ELMO2: variants seen among roughly 807,000 people sequenced by gnomAD.
The protein encoded by ELMO2 is engulfment and cell motility protein 2.
ELMO2 carries 37 observed loss-of-function variants against 96.2 expected under a neutral mutation model. The observed-to-expected ratio is 0.38, with a 90% confidence interval of 0.30 to 0.51. The LOEUF (loss-of-function observed/expected upper bound fraction) is 0.51, where lower values mean the gene tolerates loss of function less well. Ranked by LOEUF, ELMO2 falls within the 20% of genes least tolerant of loss-of-function variation. The pLI, the probability that ELMO2 is intolerant of heterozygous loss-of-function variation, is 0.88. For missense variants in ELMO2, 561 were observed against 912.6 expected (o/e 0.61, Z 4.96); for synonymous variants, 315 against 329.4 (o/e 0.96, Z 0.47).
At position 46,394,100 on chromosome 20, in the gene ELMO2, G is replaced by A. The variant is rs779463199; in HGVS notation, c.79-11C>T. Reference sequence around the variant, plus strand: ...TGCCAGGGGCCGTTTCTGAAAGAGAGAGAGAGAAAGCCTTCAACAGCAGCA... The same window carrying A: ...TGCCAGGGGCCGTTTCTGAAAGAGAAAGAGAGAAAGCCTTCAACAGCAGCA... On this transcript the variant is annotated splice_polypyrimidine_tract_variant and intron_variant, in intron 3 of 21. Transcript: ENST00000290246. 4 of 1,610,632 alleles carry A rather than the reference G, an allele frequency of 2.5e-6. No individual in the cohort carries two copies. In the East Asian group the frequency reaches 8.9e-5, roughly 36 times the overall value.
intron 7 of ELMO2, among the ~76,000 whole-genome samples, chr20:46,388,561 G>C (rs6094297): frequency 6.6e-6 from 1 of 151,956 alleles, no homozygotes; most frequent in Non-Finnish European, 1.5e-5. Context: ...TGAATGGGTA[G>C]GTTGACACCT....
chr20:46,393,428 G>A, intron 5 of ELMO2, 101 bp downstream of exon 5: 1 of 1,301,062 alleles, frequency 7.7e-7, no homozygotes, highest in Admixed American at 1.8e-5. Flanking sequence ...CCCAACACAT[G>A]GAAGCTACCT....
Position 46,367,570 on chromosome 20 carries a change from G to A in ELMO2, c.1963-10C>T, listed in dbSNP as rs368445280. Reference sequence around the variant, plus strand: ...CAATCCAGATGCAGTACTGTGGGGAGCAAGTTGCAAAATGTCACATCGTGA... The same window carrying A: ...CAATCCAGATGCAGTACTGTGGGGAACAAGTTGCAAAATGTCACATCGTGA... On this transcript the variant is annotated splice_polypyrimidine_tract_variant and intron_variant, in intron 21 of 21. Transcript: ENST00000290246. The A allele has an allele frequency of 1.1e-5, 17 of 1,589,062 alleles. No homozygotes were observed. The highest frequency in any genetic ancestry group is 1.5e-5 in the Non-Finnish European group (17 of 1,169,636).
rs764520008 is a variant in ELMO2, at chr20:46,371,396, T to G, written c.1757A>C (p.Asp586Ala). Residue 586 changes from aspartate (D) to alanine (A), a missense_variant, in exon 19 of 22, where the codon GAC becomes GCC. Coordinates refer to ENST00000290246, the MANE Select transcript of ELMO2 (RefSeq NM_133171.5). This position sits in a 1 kb window ranked among gnomAD's most constrained non-coding sequence, Gnocchi z 5.9. ...AAATGTCACCTCCCCTTGTGGGTTG[T>G]CATCCAAGTCACCATAGTGAAGGAC... ...HKVLHYGDLD[D>A]NPQGEVTFES... 4.4e-5 allele frequency: 71 copies of G among 1,614,140 alleles called. No individual in the cohort carries two copies.
chr20:46,367,863 T>A (rs1322699326), intron 21 of ELMO2, among the ~76,000 whole-genome samples: 4 of 152,036 alleles, frequency 2.6e-5, no homozygotes, highest in Non-Finnish European at 2.9e-5. Context: ...CTACCTGAAG[T>A]TACCCAAAAT....
intron 5 of ELMO2, 149 bp downstream of exon 5, chr20:46,393,380 G>A (rs2060188584): frequency 1.0e-6 from 1 of 982,172 alleles, no homozygotes; most frequent in Admixed American, 2.1e-5. Context: ...AAGAACAAGG[G>A]CTGGTGTTTC....
In ELMO2 at chr20:46,373,596, A is replaced by G. The variant is rs2059779194; in HGVS notation, c.1280-61T>C. The G allele has an allele frequency of 3.8e-6, 6 of 1,585,262 alleles. No homozygotes were observed. The South Asian group carries it at 6.8e-5, about 18-fold the overall frequency. On this transcript the variant is annotated intron_variant, in intron 15 of 21. Coordinates refer to ENST00000290246, the MANE Select transcript of ELMO2 (RefSeq NM_133171.5). ...TCTGTCCACAAGGGCCTGGGAGCTC[A>G]TGTCTGGAAACTTTGCACCAAAGTC...
At chr20:46,402,422 T>C (rs569703793) in intron 1 of ELMO2, among the ~76,000 whole-genome samples, 2 of 152,330 alleles carry the variant, frequency 1.3e-5, no homozygotes, top group East Asian at 3.9e-4. Flanking sequence ...CCACAATGAC[T>C]GAAGAGATGA....
At chr20:46,379,894 C>A in intron 11 of ELMO2, 1 of 187,832 alleles carries the variant, frequency 5.3e-6, no homozygotes, top group Non-Finnish European at 1.1e-5. Context: ...TCTGTCAGTG[C>A]CCTACACAAT....
Position 46,383,501 on chromosome 20 carries a change from C to T in ELMO2, c.678-7G>A. On this transcript the variant is annotated splice_region_variant and splice_polypyrimidine_tract_variant and intron_variant, in intron 9 of 21. Coordinates refer to ENST00000290246, the MANE Select transcript of ELMO2 (RefSeq NM_133171.5). ...CTGAATCTCCTGGTTGGAGCTGTGTCAATGGAGAAAGAAGAGAGAGGGAGA... is the reference window on the plus strand; with the variant it reads ...CTGAATCTCCTGGTTGGAGCTGTGTTAATGGAGAAAGAAGAGAGAGGGAGA... 6.2e-7 allele frequency: 1 copy of T among 1,613,284 alleles called. No individual in the cohort carries two copies.
rs747570350 is a variant in ELMO2, at chr20:46,386,246, C to T, written c.555G>A (p.Val185=). Residue 185 remains valine (V), a synonymous_variant, in exon 9 of 22, where the codon GTG becomes GTA. Transcript: ENST00000290246. ...QIAGYVSQPM[V]DVSILQRSLA... is the part of the protein sequence containing the mutation. The stretch of plus-strand genomic sequence containing the variant: ...GGGACCTCTGAAGGATTGACACGTC[C>T]ACCATGGGCTGGCTCACATACCCTG... 6.2e-7 allele frequency: 1 copy of T among 1,614,078 alleles called. No individual in the cohort carries two copies. The highest frequency in any genetic ancestry group is 8.5e-7 in the Non-Finnish European group (1 of 1,180,006).
chr20:46,375,180 ATT>A lies in ELMO2; in HGVS notation c.1065+54_1065+55del. ...GTCAGAGCTCTGTCTGGGTGGGACC[ATT>A]GACTTCCCATCAGGGGAGAGGGCCT... On this transcript the variant is annotated intron_variant, in intron 13 of 21. Transcript: ENST00000290246. This position sits in a 1 kb window ranked among gnomAD's most constrained non-coding sequence, Gnocchi z 4.6. 6.3e-7 allele frequency: 1 copy of A among 1,584,204 alleles called. No individual in the cohort carries two copies. The highest frequency in any genetic ancestry group is 8.6e-7 in the Non-Finnish European group (1 of 1,166,370).
intron 1 of ELMO2, among the ~76,000 whole-genome samples, chr20:46,401,727 G>T (rs2060339758): frequency 6.6e-6 from 1 of 152,154 alleles, no homozygotes; most frequent in Non-Finnish European, 1.5e-5. Flanking sequence ...TTCTGAGTCT[G>T]TATGTTTGCT....
In ELMO2 at chr20:46,395,522, C is replaced by T. The variant is rs117857963; in HGVS notation, c.-50-990G>A. ...AGCCATTCACCCACAATTCATGCCT[C>T]GCTAATGGGGACCACCTGCCTCTCC... On this transcript the variant is annotated intron_variant, in intron 2 of 21. Coordinates refer to ENST00000290246, the MANE Select transcript of ELMO2 (RefSeq NM_133171.5). Among the ~76,000 whole-genome samples, 479 of 152,348 alleles carry T rather than the reference C, an allele frequency of 3.1e-3. 2 individuals carry two copies. Among genetic ancestry groups the T allele is most frequent in the Non-Finnish European group, 3.7e-3 (252 of 68,042 alleles).
intron 7 of ELMO2, chr20:46,387,687 T>C (rs1167691209): frequency 2.7e-6 from 1 of 372,160 alleles, no homozygotes; most frequent in Non-Finnish European, 4.8e-6. Context: ...CTTCTCCATA[T>C]GCTTCATCCC....
intron 11 of ELMO2, among the ~76,000 whole-genome samples, chr20:46,377,627 T>TGG (rs2059886508): frequency 6.6e-6 from 1 of 152,264 alleles, no homozygotes. Context: ...GCCACCATTG[T>TGG]GGACAGCACT....
intron 2 of ELMO2, among the ~76,000 whole-genome samples, chr20:46,395,681 C>T (rs1410140786): frequency 6.6e-6 from 1 of 152,152 alleles, no homozygotes; most frequent in Non-Finnish European, 1.5e-5. Context: ...AAGTCCTGTC[C>T]CCCACAAGCC....
chr20:46,404,070 G>A (rs1223932885), intron 1 of ELMO2, among the ~76,000 whole-genome samples: 1 of 151,968 alleles, frequency 6.6e-6, no homozygotes, highest in Non-Finnish European at 1.5e-5. Flanking sequence ...GGCGACAAGA[G>A]TAAAACTCCA....
intron 15 of ELMO2, among the ~76,000 whole-genome samples, chr20:46,374,098 GTTTTTTTTTTTT>G (rs60843274): frequency 2.1e-4 from 13 of 63,048 alleles, no homozygotes; most frequent in African/African-American, 6.8e-4. Context: ...CTAATTTTTG[GTTTTTTTTTTTT>G]TTTTTTTTTT....
Sources: allele counts gnomAD v4.1 joint callset (sites outside exome capture counted in the v4.1 genomes callset), GRCh38; gene constraint gnomAD v4.1.1; non-coding constraint Gnocchi (gnomAD v3.1); transcripts MANE v1.5; gene names NCBI Gene and HGNC (gene_info 2026-07-23, HGNC 2026-07-21).